CFAP300: variants seen among roughly 807,000 people sequenced by gnomAD.
The protein encoded by CFAP300 is cilia and flagella associated protein 300.
Under a neutral mutation model 33.0 loss-of-function variants are expected in CFAP300, and 32 were observed. That is an observed-to-expected ratio of 0.97 (90% CI 0.73 to 1.30). The LOEUF (loss-of-function observed/expected upper bound fraction) is 1.30. Ranked by LOEUF, CFAP300 falls within the 50% of genes most tolerant of loss-of-function variation. The probability of loss-of-function intolerance (pLI) is 0.00; values close to 1 mark genes in which losing one functional copy is unlikely to be tolerated. For missense variants in CFAP300, 356 were observed against 318.1 expected (o/e 1.12, Z -0.90); for synonymous variants, 102 against 106.8 (o/e 0.95, Z 0.28).
intron 2 of CFAP300, among the ~76,000 whole-genome samples, chr11:102,054,854 A>G (rs1358098802): frequency 2.0e-5 from 3 of 152,144 alleles, no homozygotes; most frequent in African/African-American, 7.2e-5. Flanking sequence ...TATTTATAGT[A>G]ACAATTTGAA....
At chr11:102,073,074 G>A (rs1442422147) in intron 4 of CFAP300, among the ~76,000 whole-genome samples, 1 of 152,152 alleles carries the variant, frequency 6.6e-6, no homozygotes, top group African/African-American at 2.4e-5. Flanking sequence ...AGGCAGTGGT[G>A]TTAGCAGGTC....
At chr11:102,059,053 C>T in intron 3 of CFAP300, 98 bp downstream of exon 3, 2 of 678,250 alleles carry the variant, frequency 2.9e-6, no homozygotes, top group South Asian at 2.4e-5. Context: ...GGGAATGACT[C>T]ATCTGTTTGA....
intron 2 of CFAP300, among the ~76,000 whole-genome samples, chr11:102,053,084 G>T (rs1941995373): frequency 6.6e-6 from 1 of 151,616 alleles, no homozygotes; most frequent in African/African-American, 2.4e-5. Context: ...CAAAAATTAG[G>T]TGGCCATGGT....
chr11:102,065,976 T>G (rs1166637401), intron 3 of CFAP300, among the ~76,000 whole-genome samples: 1 of 151,122 alleles, frequency 6.6e-6, no homozygotes, highest in Non-Finnish European at 1.5e-5. Context: ...ATAAACTTTT[T>G]TTTTTTTTTT....
chr11:102,066,593 T>C lies in CFAP300; in HGVS notation c.377T>C (p.Ile126Thr), dbSNP rs771142576. Residue 126 changes from isoleucine to threonine, a missense_variant, in exon 4 of 7, where the codon ATT becomes ACT. Coordinates refer to ENST00000434758, the MANE Select transcript of CFAP300 (RefSeq NM_032930.3). ...GATATTGTACGAGACAGTGGACATA[T>C]TGTTAAATGTTTAGATTCTTTTTGT... Reference protein sequence around the residue: ...DEDIVRDSGHIVKCLDSFCDP... With the variant: ...DEDIVRDSGHTVKCLDSFCDP... The C allele has an allele frequency of 2.5e-6, 4 of 1,610,452 alleles. No individual in the cohort carries two copies. The highest frequency in any genetic ancestry group is 1.7e-5 in the Admixed American group (1 of 59,396).
In CFAP300 at chr11:102,058,181, G is replaced by A. The variant is rs540467832; in HGVS notation, c.193-699G>A. 2.8e-4 allele frequency among the ~76,000 whole-genome samples: 43 copies of A among 152,120 alleles called. 2 individuals carry two copies. Among genetic ancestry groups the A allele is most frequent in the African/African-American group, 7.0e-4 (29 of 41,502 alleles). ...CTTCAGCCTGATGCCCTCCACCCCC[G>A]GAACATTTTGTGGACTCCCTGAGAT... On this transcript the variant is annotated intron_variant, in intron 2 of 6. Coordinates refer to ENST00000434758, the MANE Select transcript of CFAP300 (RefSeq NM_032930.3).
chr11:102,048,351 T>C (rs1941918380), intron 2 of CFAP300, among the ~76,000 whole-genome samples: 1 of 152,126 alleles, frequency 6.6e-6, no homozygotes, highest in African/African-American at 2.4e-5. Context: ...CCTGAATAGC[T>C]GGGACTACAG....
At chr11:102,073,365 A>G (rs1157736031) in intron 4 of CFAP300, among the ~76,000 whole-genome samples, 1 of 152,172 alleles carries the variant, frequency 6.6e-6, no homozygotes. Context: ...GCCTGTGCTC[A>G]GATCCCCAAG....
At position 102,066,585 on chromosome 11, in the gene CFAP300, T is replaced by C. The variant is rs372973997; in HGVS notation, c.369T>C (p.Ser123=). Residue 123 remains serine (S), a synonymous_variant, in exon 4 of 7, where the codon AGT becomes AGC. Coordinates refer to ENST00000434758, the MANE Select transcript of CFAP300 (RefSeq NM_032930.3). ...ATGATGAAGATATTGTACGAGACAG[T>C]GGACATATTGTTAAATGTTTAGATT... is the stretch of plus-strand genomic sequence containing the variant. ...RLYDEDIVRD[S]GHIVKCLDSF... is the part of the protein sequence containing the mutation. 5.1e-5 allele frequency: 82 copies of C among 1,610,822 alleles called. No homozygotes were observed. Among genetic ancestry groups the C allele is most frequent in the Non-Finnish European group, 6.3e-5 (74 of 1,178,954 alleles).
intron 3 of CFAP300, among the ~76,000 whole-genome samples, chr11:102,060,435 G>A (rs905056955): frequency 5.3e-5 from 8 of 151,938 alleles, no homozygotes; most frequent in Non-Finnish European, 8.8e-5. Context: ...TTTTCATAAT[G>A]TATTATTTCA....
rs542024588 is a variant in CFAP300, at chr11:102,082,922, G to A, written c.676-149G>A. On this transcript the variant is annotated intron_variant, in intron 6 of 6. Coordinates refer to ENST00000434758, the MANE Select transcript of CFAP300 (RefSeq NM_032930.3). ...TGAAGCAGGAGAATCACTTGAACCC[G>A]TGCGGCAGAGGTTGCAGTGAGCCGA... 1.2e-4 allele frequency: 25 copies of A among 216,928 alleles called. No homozygotes were observed. The East Asian group carries it at 1.8e-3, about 16-fold the overall frequency. 13.4% of individuals were successfully genotyped at this position (216,928 alleles called of 1,614,324 possible). A position where few individuals can be genotyped will look rare whatever the true frequency, so the allele number is the denominator to read the frequency against.
intron 2 of CFAP300, among the ~76,000 whole-genome samples, chr11:102,056,670 C>T (rs1942063158): frequency 6.6e-6 from 1 of 152,080 alleles, no homozygotes; most frequent in Non-Finnish European, 1.5e-5. Context: ...GTTACCTAGG[C>T]TGGAGTGCAG....
intron 4 of CFAP300, among the ~76,000 whole-genome samples, chr11:102,072,435 G>A (rs1051346708): frequency 6.6e-6 from 1 of 151,610 alleles, no homozygotes; most frequent in Non-Finnish European, 1.5e-5. Context: ...GTATCTCACT[G>A]AGCTTCTTTA....
At chr11:102,068,330 T>G (rs2135036375) in intron 4 of CFAP300, among the ~76,000 whole-genome samples, 1 of 152,116 alleles carries the variant, frequency 6.6e-6, no homozygotes, top group South Asian at 2.1e-4. Flanking sequence ...AAGGGAGGTA[T>G]CCAACCAGTC....
At chr11:102,067,955 T>C (rs1942253131) in intron 4 of CFAP300, among the ~76,000 whole-genome samples, 1 of 152,182 alleles carries the variant, frequency 6.6e-6, no homozygotes, top group East Asian at 1.9e-4. Flanking sequence ...ATCGTTACAA[T>C]TATTGAGAGT....
intron 2 of CFAP300, among the ~76,000 whole-genome samples, chr11:102,056,845 G>A (rs1228559066): frequency 1.3e-5 from 2 of 151,628 alleles, no homozygotes; most frequent in Admixed American, 6.6e-5. Flanking sequence ...GGCTGATCTT[G>A]AACTCCTGGC....
At chr11:102,074,494 C>G (rs1474397323) in intron 4 of CFAP300, among the ~76,000 whole-genome samples, 1 of 152,156 alleles carries the variant, frequency 6.6e-6, no homozygotes, top group Non-Finnish European at 1.5e-5. Flanking sequence ...AGTATTCTCT[C>G]TTAGATGCCC....
At chr11:102,050,125 G>C (rs899470582) in intron 2 of CFAP300, among the ~76,000 whole-genome samples, 12 of 151,680 alleles carry the variant, frequency 7.9e-5, no homozygotes, top group Admixed American at 2.6e-4. Flanking sequence ...GTAAGACCCT[G>C]TCTCAAAAAA....
intron 2 of CFAP300, among the ~76,000 whole-genome samples, chr11:102,052,710 C>T (rs1264121472): frequency 1.3e-5 from 2 of 152,138 alleles, no homozygotes; most frequent in Admixed American, 6.5e-5. Flanking sequence ...CATCTTCCTT[C>T]TCCATTTGTT....
Sources: allele counts gnomAD v4.1 joint callset (sites outside exome capture counted in the v4.1 genomes callset), GRCh38; gene constraint gnomAD v4.1.1; transcripts MANE v1.5; gene names NCBI Gene and HGNC (gene_info 2026-07-23, HGNC 2026-07-21).